The following NCBP1 variants were observed in gnomAD, a reference collection of about 807,000 sequenced individuals.
The protein encoded by NCBP1 is nuclear cap binding protein subunit 1.
A neutral mutation model predicts 111.7 loss-of-function variants in NCBP1; 16 were observed. That is an observed-to-expected ratio of 0.14 (90% confidence interval 0.10 to 0.22). The LOEUF is 0.22. Ranked by LOEUF, NCBP1 falls within the 10% of genes least tolerant of loss-of-function variation. The probability of loss-of-function intolerance (pLI) is 1.00; values close to 1 mark genes in which losing one functional copy is unlikely to be tolerated. For missense variants in NCBP1, 607 were observed against 957.5 expected (o/e 0.63, Z 4.83); for synonymous variants, 304 against 314.3 (o/e 0.97, Z 0.35).
chr9:97,645,793 T>TAAA, intron 6 of NCBP1, 61 bp downstream of exon 6: 1 of 1,567,948 alleles, frequency 6.4e-7, no homozygotes, highest in East Asian at 2.3e-5. Flanking sequence ...ATATCAGTGA[T>TAAA]ACCATTTGAG....
intron 22 of NCBP1, chr9:97,670,173 C>T (rs989107126): frequency 8.8e-6 from 2 of 228,226 alleles, no homozygotes; most frequent in African/African-American, 4.5e-5. Flanking sequence ...CCTCCGCCTC[C>T]CAAAGTGCTG....
chr9:97,656,182 C>T (rs746767672), intron 14 of NCBP1, 97 bp downstream of exon 14: 37 of 1,005,614 alleles, frequency 3.7e-5, no homozygotes, highest in Non-Finnish European at 4.8e-5. Context: ...GATTCAAAAT[C>T]CACTTACTCA....
At chr9:97,652,741 C>T (rs750668551) in intron 10 of NCBP1, among the ~76,000 whole-genome samples, 5 of 152,236 alleles carry the variant, frequency 3.3e-5, no homozygotes, top group African/African-American at 4.8e-5. Context: ...GTTAATATTG[C>T]ACTTTGGTGC....
At chr9:97,635,825 TTG>T (rs1437882647) in intron 1 of NCBP1, 2 of 152,186 alleles carry the variant, frequency 1.3e-5, no homozygotes, top group Non-Finnish European at 2.9e-5. Flanking sequence ...GTTCTTTTCT[TTG>T]TTGTTCTAAT....
chr9:97,660,836 T>C, intron 15 of NCBP1, 110 bp from the exon 16 acceptor site: 1 of 1,274,662 alleles, frequency 7.8e-7, no homozygotes, highest in Non-Finnish European at 1.1e-6. Context: ...AAGAGCATCC[T>C]ATTTTGAAAG....
At chr9:97,658,603 T>A (rs1165057750) in intron 14 of NCBP1, 37 bp from the exon 15 acceptor site, 1 of 1,498,470 alleles carries the variant, frequency 6.7e-7, no homozygotes, top group East Asian at 2.3e-5. Flanking sequence ...ATGGGACTGA[T>A]AAAAGATATT....
chr9:97,667,053 A>G (rs1828026028), intron 20 of NCBP1, among the ~76,000 whole-genome samples, 176 bp downstream of exon 20: 1 of 152,208 alleles, frequency 6.6e-6, no homozygotes, highest in Non-Finnish European at 1.5e-5. Context: ...AGGAGCAGGT[A>G]GTGTGTTGTG....
chr9:97,665,981 T>A (rs1415635100), intron 19 of NCBP1, among the ~76,000 whole-genome samples: 1 of 152,152 alleles, frequency 6.6e-6, no homozygotes, highest in Non-Finnish European at 1.5e-5. Flanking sequence ...TATCTTCACA[T>A]TGAGTAGGCT....
intron 18 of NCBP1, among the ~76,000 whole-genome samples, chr9:97,663,633 C>A (rs1166296048): frequency 6.6e-6 from 1 of 151,790 alleles, no homozygotes; most frequent in Admixed American, 6.6e-5. Context: ...TACAGGCGTC[C>A]ACCACCACAC....
intron 19 of NCBP1, 105 bp from the exon 20 acceptor site, chr9:97,666,658 A>G (rs1210798450): frequency 1.5e-6 from 1 of 681,630 alleles, no homozygotes; most frequent in Non-Finnish European, 2.4e-6. Context: ...CCCCAAGGAC[A>G]GAAGGCTGTA....
chr9:97,638,868 T>C (rs1335932117), intron 1 of NCBP1, among the ~76,000 whole-genome samples: 3 of 152,202 alleles, frequency 2.0e-5, no homozygotes, highest in Non-Finnish European at 2.9e-5. Context: ...GGGCAAAATC[T>C]ACACCCTGTT....
chr9:97,664,358 G>A lies in NCBP1; in HGVS notation c.1816G>A (p.Asp606Asn), dbSNP rs1827931315. Residue 606 changes from aspartate (D) to asparagine (N), a missense_variant, in exon 19 of 23, where the codon GAT becomes AAT. This residue lies in a region of NCBP1 where 282 missense variants were observed against 376.5 expected (regional missense o/e 0.75). Coordinates refer to ENST00000375147, the MANE Select transcript of NCBP1 (RefSeq NM_002486.5). ...ATTGTAGATGATTGCTGTACTAGTG[G>A]ATAAGATGATTCGTACACAAATAGT... ...NHPQMIAVLV[D>N]KMIRTQIVDC... The A allele has an allele frequency of 1.2e-6, 2 of 1,610,778 alleles. No individual in the cohort carries two copies. Among genetic ancestry groups the A allele is most frequent in the Non-Finnish European group, 1.7e-6 (2 of 1,177,156 alleles).
chr9:97,653,094 C>T (rs374823816), intron 10 of NCBP1, among the ~76,000 whole-genome samples: 1 of 151,254 alleles, frequency 6.6e-6, no homozygotes, highest in Non-Finnish European at 1.5e-5. Context: ...TTTCTTGTTT[C>T]CTGACCCCAA....
chr9:97,667,940 A>T (rs866992603), intron 20 of NCBP1, among the ~76,000 whole-genome samples: 12 of 152,348 alleles, frequency 7.9e-5, no homozygotes, highest in Admixed American at 2.0e-4. Context: ...ACAGTCGTGT[A>T]CCCACGTGTC....
intron 15 of NCBP1, among the ~76,000 whole-genome samples, chr9:97,659,989 C>CT (rs552520368): frequency 3.8e-4 from 58 of 152,270 alleles, no homozygotes; most frequent in African/African-American, 1.3e-3. Flanking sequence ...GCTCCACTTC[C>CT]TTTTCTCCTT....
intron 22 of NCBP1, chr9:97,670,063 C>T (rs1171854727): frequency 1.7e-5 from 6 of 354,964 alleles, no homozygotes; most frequent in East Asian, 7.1e-5. Context: ...GCTGGGATTA[C>T]AGGCACCCGT....
At chr9:97,634,120 G>T (rs186062337) in intron 1 of NCBP1, among the ~76,000 whole-genome samples, 1 of 152,256 alleles carries the variant, frequency 6.6e-6, no homozygotes, top group East Asian at 1.9e-4. Context: ...TTTGAGTCAA[G>T]GGCCGATCCT....
Position 97,666,852 on chromosome 9 carries a change from A to C in NCBP1, c.1991A>C (p.Glu664Ala). The change falls in exon 20 of 23, where the codon GAG (glutamate) becomes GCG (alanine). Residue 664 changes from glutamate (E) to alanine (A), a missense_variant. Around this residue, in one of 9 missense-constraint regions of NCBP1, gnomAD observed 282 missense variants for 376.5 expected, o/e 0.75. Transcript: ENST00000375147. The stretch of plus-strand genomic sequence containing the variant: ...CAGAAAGAGCTGGAAGAAGCTAAAG[A>C]GAAACTTGCTAGGCAACACAAACGG... ...KIQKELEEAK[E>A]KLARQHKRRS... 1 of 1,609,662 alleles carries C rather than the reference A, an allele frequency of 6.2e-7. No individual in the cohort carries two copies. The highest frequency in any genetic ancestry group is 1.1e-5 in the South Asian group (1 of 89,872).
chr9:97,634,685 A>G (rs1826947629), intron 1 of NCBP1: 1 of 152,258 alleles, frequency 6.6e-6, no homozygotes, highest in African/African-American at 2.4e-5. Context: ...AAGCCTTACA[A>G]TCGGTCAAAA....
Sources: gnomAD v4.1 joint callset for allele counts (sites outside exome capture counted in the v4.1 genomes callset) on GRCh38, gnomAD v4.1.1 for gene constraint, gnomAD v4.1.1 regional missense constraint, MANE v1.5 for transcripts, NCBI Gene and HGNC (gene_info 2026-07-23, HGNC 2026-07-21) for gene names.